The following SLC25A21 variants were observed in gnomAD, a reference collection of about 807,000 sequenced individuals.
SLC25A21 encodes the protein solute carrier family 25 member 21, also known as mitochondrial 2-oxodicarboxylate carrier.
SLC25A21 carries 47 observed loss-of-function variants against 43.8 expected under a neutral mutation model. That is an observed-to-expected ratio of 1.07 (90% CI 0.85 to 1.37). The LOEUF is 1.37. Ranked by LOEUF, SLC25A21 falls within the 40% of genes most tolerant of loss-of-function variation. The pLI, the probability that SLC25A21 is intolerant of heterozygous loss-of-function variation, is 0.00. For synonymous variants in SLC25A21, 131 were observed against 121.3 expected, an observed-to-expected ratio of 1.08 and a Z score of -0.52; for missense variants, 352 against 350.2, an observed-to-expected ratio of 1.00 and a Z score of -0.04.
chr14:37,103,551 T>C (rs1245269866), intron 1 of SLC25A21, among the ~76,000 whole-genome samples: 2 of 152,350 alleles, frequency 1.3e-5, no homozygotes, highest in South Asian at 2.1e-4. Flanking sequence ...TCAAGGATCA[T>C]AGAAATTAAG....
At chr14:36,968,797 T>G (rs919773126) in intron 1 of SLC25A21, among the ~76,000 whole-genome samples, 3 of 152,170 alleles carry the variant, frequency 2.0e-5, no homozygotes, top group Non-Finnish European at 4.4e-5. Flanking sequence ...ATGATGCCAT[T>G]CCATCTGGCC....
rs191354217 is a variant in SLC25A21 at position 36,737,036 on chromosome 14, C to G, written c.204-2463G>C. ...TCTGGATGGCCACTTGTCATGAATA[C>G]CAGCAATGGGAGATACACAGCAAAT... On this transcript the variant is annotated intron_variant, in intron 3 of 9. Transcript: ENST00000331299. 4.6e-5 allele frequency among the ~76,000 whole-genome samples: 7 copies of G among 152,268 alleles called. No homozygotes were observed. The East Asian group carries it at 1.2e-3, about 25-fold the overall frequency.
At chr14:36,721,436 C>T (rs993033961) in intron 6 of SLC25A21, among the ~76,000 whole-genome samples, 1 of 152,146 alleles carries the variant, frequency 6.6e-6, no homozygotes, top group African/African-American at 2.4e-5. Flanking sequence ...TACACAGATG[C>T]CTTGCTGTAA....
chr14:36,922,191 G>A (rs1891999808), intron 1 of SLC25A21, among the ~76,000 whole-genome samples: 1 of 151,280 alleles, frequency 6.6e-6, no homozygotes, highest in Non-Finnish European at 1.5e-5. Flanking sequence ...CCATGATTTG[G>A]AATCCCACTA....
intron 1 of SLC25A21, among the ~76,000 whole-genome samples, chr14:36,973,353 T>C (rs960895853): frequency 6.6e-5 from 10 of 152,136 alleles, no homozygotes; most frequent in Non-Finnish European, 1.3e-4. Flanking sequence ...AACACGGAAC[T>C]GAGCAAAGGC....
intron 3 of SLC25A21, among the ~76,000 whole-genome samples, chr14:36,774,518 T>C (rs1886748685): frequency 6.6e-6 from 1 of 152,214 alleles, no homozygotes. Flanking sequence ...CTCCAAATTC[T>C]AAGATGAACA....
At chr14:37,004,767 C>T (rs1371410590) in intron 1 of SLC25A21, among the ~76,000 whole-genome samples, 1 of 149,646 alleles carries the variant, frequency 6.7e-6, no homozygotes, top group African/African-American at 2.4e-5. Flanking sequence ...GAAGCACCTG[C>T]TGTGGAGAAA....
At chr14:36,872,637 G>GGTCAAA (rs1243360655) in intron 2 of SLC25A21, among the ~76,000 whole-genome samples, 4 of 152,128 alleles carry the variant, frequency 2.6e-5, no homozygotes, top group African/African-American at 9.7e-5. Flanking sequence ...TCATTATGCA[G>GGTCAAA]GTCAAATACC....
chr14:37,032,796 C>A (rs1479350921), intron 1 of SLC25A21, among the ~76,000 whole-genome samples: 1 of 151,622 alleles, frequency 6.6e-6, no homozygotes, highest in Non-Finnish European at 1.5e-5. Flanking sequence ...CTATACTATT[C>A]AGGAAAATTT....
chr14:36,796,626 C>T (rs566545132), intron 3 of SLC25A21, among the ~76,000 whole-genome samples: 4 of 152,094 alleles, frequency 2.6e-5, no homozygotes, highest in East Asian at 1.9e-4. Context: ...TAGATGCACA[C>T]CTGGTATAAA....
intron 1 of SLC25A21, among the ~76,000 whole-genome samples, chr14:37,057,947 T>G (rs1961866096): frequency 6.6e-6 from 1 of 152,160 alleles, no homozygotes; most frequent in Non-Finnish European, 1.5e-5. Context: ...GGTTTGCATT[T>G]TTACATTTGG....
In SLC25A21 at chr14:36,866,845, T is replaced by C. The variant is rs182435821; in HGVS notation, c.119+8111A>G. On this transcript the variant is annotated intron_variant, in intron 2 of 9. Transcript: ENST00000331299. Reference sequence around the variant, plus strand: ...AGACTTTGTATGAAAAACAAAAGAATGGAAAATATTCATAGTTTTTATGTT... The same window carrying C: ...AGACTTTGTATGAAAAACAAAAGAACGGAAAATATTCATAGTTTTTATGTT... 2.8e-3 allele frequency among the ~76,000 whole-genome samples: 430 copies of C among 152,314 alleles called. 2 individuals are homozygous for C. Among genetic ancestry groups the C allele is most frequent in the Non-Finnish European group, 3.1e-3 (208 of 68,026 alleles).
At chr14:37,144,303 G>A (rs1963622074) in intron 1 of SLC25A21, among the ~76,000 whole-genome samples, 1 of 152,128 alleles carries the variant, frequency 6.6e-6, no homozygotes, top group Non-Finnish European at 1.5e-5. Flanking sequence ...AATAATGATT[G>A]ATCAAATTTG....
chr14:36,924,599 A>G (rs1481165289), intron 1 of SLC25A21, among the ~76,000 whole-genome samples: 1 of 152,116 alleles, frequency 6.6e-6, no homozygotes, highest in Non-Finnish European at 1.5e-5. Flanking sequence ...TGGGTGCAGC[A>G]CACCAACATG....
intron 3 of SLC25A21, among the ~76,000 whole-genome samples, chr14:36,796,497 T>G (rs848094): frequency 0.2 from 30,736 of 151,874 alleles, 3,254 homozygotes; most frequent in Middle Eastern, 0.27. Flanking sequence ...CAAACTTTTG[T>G]TGAATTCCAT....
intron 1 of SLC25A21, among the ~76,000 whole-genome samples, chr14:36,945,408 T>A (rs1892656710): frequency 6.6e-6 from 1 of 152,142 alleles, no homozygotes; most frequent in African/African-American, 2.4e-5. Context: ...GAGATATTTG[T>A]ACCCCCACAT....
chr14:37,000,406 A>G (rs1296525973), intron 1 of SLC25A21, among the ~76,000 whole-genome samples: 1 of 152,084 alleles, frequency 6.6e-6, no homozygotes, highest in East Asian at 1.9e-4. Context: ...CCATGCTCAA[A>G]ACCCTCCAAT....
chr14:37,061,608 G>GA (rs535027193), intron 1 of SLC25A21, among the ~76,000 whole-genome samples: 81 of 151,506 alleles, frequency 5.3e-4, no homozygotes, highest in Non-Finnish European at 1.1e-3. Context: ...TAGGGAAAGA[G>GA]AAAAAAAATC....
intron 3 of SLC25A21, among the ~76,000 whole-genome samples, chr14:36,776,102 T>C (rs1023403733): frequency 6.6e-6 from 1 of 152,040 alleles, no homozygotes; most frequent in African/African-American, 2.4e-5. Flanking sequence ...TTGGAACTTC[T>C]CTTGGAAGAG....
Sources: gnomAD v4.1 joint callset for allele counts (sites outside exome capture counted in the v4.1 genomes callset) on GRCh38, gnomAD v4.1.1 for gene constraint, MANE v1.5 for transcripts, NCBI Gene and HGNC (gene_info 2026-07-23, HGNC 2026-07-21) for gene names.